KLHL13: variants seen among roughly 807,000 people sequenced by gnomAD.
The protein encoded by KLHL13 is kelch-like protein 13.
KLHL13 carries 10 observed loss-of-function variants against 37.1 expected under a neutral mutation model. The observed-to-expected ratio is 0.27, with a 90% CI of 0.17 to 0.46. The LOEUF is 0.46. Among genes scored for constraint, KLHL13 ranks in the 20% least tolerant of loss-of-function variants. The pLI is 1.00. For synonymous variants in KLHL13, 163 were observed against 181.2 expected (o/e 0.90, Z 0.81); for missense variants, 360 against 509.3 (o/e 0.71, Z 2.82).
At chrX:118,051,887 C>T (rs2148073554) in intron 1 of KLHL13, among the ~76,000 whole-genome samples, 1 of 111,206 alleles carries the variant, frequency 9.0e-6, no homozygotes, top group Admixed American at 9.6e-5. Flanking sequence ...AACATCATGG[C>T]TGGTGTTTGG....
At chrX:118,048,585 C>G (rs746260664) in intron 1 of KLHL13, among the ~76,000 whole-genome samples, 3 of 111,470 alleles carry the variant, frequency 2.7e-5, no homozygotes, top group Non-Finnish European at 5.7e-5. Context: ...TTGGAATTTT[C>G]TAATAAAGAA....
intron 1 of KLHL13, among the ~76,000 whole-genome samples, chrX:118,009,094 G>T (rs1404453423): frequency 1.9e-5 from 2 of 107,951 alleles, no homozygotes; most frequent in South Asian, 4.2e-4. Context: ...TTTTGATGGG[G>T]TTGTTTGTTT....
chrX:118,108,798 T>C (rs1263488002), intron 1 of KLHL13, among the ~76,000 whole-genome samples: 4 of 111,641 alleles, frequency 3.6e-5, no homozygotes, highest in African/African-American at 1.3e-4. Flanking sequence ...CTAGCCTTTT[T>C]TAAAAATTTT....
At chrX:117,956,891 A>G (rs1415919565) in intron 1 of KLHL13, among the ~76,000 whole-genome samples, 2 of 112,517 alleles carry the variant, frequency 1.8e-5, no homozygotes, top group Non-Finnish European at 3.8e-5. Flanking sequence ...TGTCAAAGAT[A>G]TGCTTAATGG....
chrX:118,072,465 C>A (rs997276375), intron 1 of KLHL13, among the ~76,000 whole-genome samples: 10 of 111,705 alleles, frequency 9.0e-5, no homozygotes, highest in East Asian at 8.5e-4. Flanking sequence ...GCAACAAAAG[C>A]CAAAATTGAC....
At chrX:118,109,537 T>C (rs141466199) in intron 1 of KLHL13, among the ~76,000 whole-genome samples, 8 of 112,398 alleles carry the variant, frequency 7.1e-5, no homozygotes, top group African/African-American at 2.6e-4. Context: ...TAAAGATTTT[T>C]AAATAGCTAC....
chrX:117,985,196 GAGTA>G, intron 1 of KLHL13: 1 of 951,829 alleles, frequency 1.1e-6, no homozygotes. Context: ...CTATTTTAAT[GAGTA>G]AGTAACAGCA....
At chrX:118,063,388 G>T (rs1324578616) in intron 1 of KLHL13, among the ~76,000 whole-genome samples, 1 of 111,258 alleles carries the variant, frequency 9.0e-6, no homozygotes, top group Non-Finnish European at 1.9e-5. Context: ...GCTTACCAAT[G>T]AGAAAAACAT....
At chrX:117,913,848 G>GAA (rs1201645166) in intron 4 of KLHL13, among the ~76,000 whole-genome samples, 1 of 57,384 alleles carries the variant, frequency 1.7e-5, no homozygotes, top group Non-Finnish European at 3.5e-5. Flanking sequence ...TCAAAAAAAA[G>GAA]AAAAAAAAAA....
At chrX:117,953,210 G>T (rs1306600290) in intron 1 of KLHL13, among the ~76,000 whole-genome samples, 1 of 111,047 alleles carries the variant, frequency 9.0e-6, no homozygotes, top group East Asian at 2.8e-4. Flanking sequence ...ATACATCATG[G>T]AATACTATGC....
At chrX:118,026,484 GAAGCAAGAACAAAC>G (rs2054276006) in intron 1 of KLHL13, among the ~76,000 whole-genome samples, 1 of 111,596 alleles carries the variant, frequency 9.0e-6, no homozygotes. Flanking sequence ...TGCTAAAACT[GAAGCAAGAACAAAC>G]ATCAAATTTA....
chrX:117,904,375 G>T (rs1414752936), intron 5 of KLHL13, among the ~76,000 whole-genome samples: 1 of 111,108 alleles, frequency 9.0e-6, no homozygotes, highest in African/African-American at 3.3e-5. Flanking sequence ...TCAGATATAG[G>T]TTAGTACCAA....
intron 1 of KLHL13, among the ~76,000 whole-genome samples, chrX:118,069,947 A>G (rs1317117223): frequency 4.5e-5 from 5 of 112,020 alleles, no homozygotes; most frequent in African/African-American, 1.6e-4. Context: ...CAGGTGTACC[A>G]TTTTTTATCT....
chrX:118,113,109 G>A (rs1181359158), intron 1 of KLHL13, among the ~76,000 whole-genome samples: 1 of 111,782 alleles, frequency 8.9e-6, no homozygotes, highest in Non-Finnish European at 1.9e-5. Context: ...TGTAGCACAA[G>A]TCACAATGTG....
chrX:117,984,676 T>C (rs1191506960), intron 1 of KLHL13, among the ~76,000 whole-genome samples: 1 of 111,610 alleles, frequency 9.0e-6, no homozygotes, highest in African/African-American at 3.2e-5. Context: ...TAAAATGCTA[T>C]ACACATAAAC....
rs768589125 is a variant in KLHL13 at position 118,080,734 on chromosome X, A to G, written c.-56+35774T>C. Among the ~76,000 whole-genome samples the G allele has an allele frequency of 2.1e-3, 238 of 112,417 alleles. 2 individuals carry two copies. Among genetic ancestry groups the G allele is most frequent in the Middle Eastern group, 4.6e-3 (1 of 219 alleles). On this transcript the variant is annotated intron_variant, in intron 1 of 6. Coordinates refer to the KLHL13 transcript ENST00000371882. ...TCAAAGAACTTAAAACAGAGTTACC[A>G]TTTGATTCAGCAATCCCATTACTGG... is the stretch of plus-strand genomic sequence containing the variant.
At chrX:118,033,752 A>G (rs2054393452) in intron 1 of KLHL13, among the ~76,000 whole-genome samples, 1 of 110,353 alleles carries the variant, frequency 9.1e-6, no homozygotes, top group African/African-American at 3.3e-5. Context: ...ATTAACCTTA[A>G]AGGTAAATGG....
chrX:117,962,506 C>T (rs1360196454), intron 1 of KLHL13, among the ~76,000 whole-genome samples: 1 of 110,754 alleles, frequency 9.0e-6, no homozygotes, highest in African/African-American at 3.3e-5. Context: ...TGGAATAGTG[C>T]TTCAAGGAAC....
At chrX:118,011,253 G>A (rs778837798) in intron 1 of KLHL13, among the ~76,000 whole-genome samples, 27 of 109,185 alleles carry the variant, frequency 2.5e-4, no homozygotes, top group Non-Finnish European at 4.0e-4. Flanking sequence ...ATGAGGGAAC[G>A]GGTCATCTTC....
Sources: gnomAD v4.1 joint callset for allele counts (sites outside exome capture counted in the v4.1 genomes callset) on GRCh38, gnomAD v4.1.1 for gene constraint, MANE v1.5 for transcripts, NCBI Gene and HGNC (gene_info 2026-07-23, HGNC 2026-07-21) for gene names.